The following BMPR1B variants were observed in gnomAD, a reference collection of about 807,000 sequenced individuals.
The protein encoded by BMPR1B is bone morphogenetic protein receptor type-1B.
A neutral mutation model predicts 59.1 loss-of-function variants in BMPR1B; 12 were observed. The ratio of observed to expected loss-of-function variants is 0.20; its 90% CI spans 0.13 to 0.33. BMPR1B has a LOEUF of 0.33. Ranked by LOEUF, BMPR1B falls within the 10% of genes least tolerant of loss-of-function variation. The pLI is 1.00. For missense variants in BMPR1B, 550 were observed against 610.9 expected, an observed-to-expected ratio of 0.90 and a Z score of 1.05; for synonymous variants, 237 against 207.3, an observed-to-expected ratio of 1.14 and a Z score of -1.23.
intron 6 of BMPR1B, among the ~76,000 whole-genome samples, chr4:95,117,792 A>G (rs1011403542): frequency 3.3e-5 from 5 of 152,174 alleles, no homozygotes; most frequent in Non-Finnish European, 5.9e-5. Flanking sequence ...TTTCTAAAAA[A>G]ATCTTTTTAA....
intron 10 of BMPR1B, among the ~76,000 whole-genome samples, chr4:95,134,115 A>G (rs573076502): frequency 6.6e-6 from 1 of 152,296 alleles, no homozygotes; most frequent in South Asian, 2.1e-4. Flanking sequence ...GAGTGAGAAC[A>G]TGCGATGTTT....
intron 1 of BMPR1B, among the ~76,000 whole-genome samples, chr4:94,776,238 A>C (rs1722365847): frequency 6.6e-6 from 1 of 152,144 alleles, no homozygotes; most frequent in Admixed American, 6.5e-5. Context: ...AAATCACTCT[A>C]ATAATGTTTA....
Position 95,020,210 on chromosome 4 carries a change from G to T in BMPR1B, c.-18+24076G>T, listed in dbSNP as rs1723872271. ...TTTTTTATTTTTACTGCTAGGTAGGGATGCCACCAGGATCTAATGAGTAGA... is the reference window on the plus strand; with the variant it reads ...TTTTTTATTTTTACTGCTAGGTAGGTATGCCACCAGGATCTAATGAGTAGA... On this transcript the variant is annotated intron_variant, in intron 3 of 12. Transcript: ENST00000515059. 2.0e-5 allele frequency among the ~76,000 whole-genome samples: 3 copies of T among 152,080 alleles called. No homozygotes were observed. The South Asian group carries it at 6.2e-4, about 32-fold the overall frequency.
At chr4:94,785,031 A>C (rs1426880546) in intron 1 of BMPR1B, among the ~76,000 whole-genome samples, 3 of 152,212 alleles carry the variant, frequency 2.0e-5, no homozygotes, top group Non-Finnish European at 4.4e-5. Context: ...GCTATGGAGC[A>C]AACACTGACC....
chr4:95,028,510 GAA>G (rs1218766637), intron 3 of BMPR1B, among the ~76,000 whole-genome samples: 8 of 152,100 alleles, frequency 5.3e-5, no homozygotes, highest in African/African-American at 9.7e-5. Flanking sequence ...CCCATGGCTG[GAA>G]TTGTGTTTAC....
chr4:94,819,718 A>G lies in BMPR1B; in HGVS notation c.-182-56113A>G, dbSNP rs547222075. On this transcript the variant is annotated intron_variant, in intron 1 of 12. Transcript: ENST00000515059. ...AATCTGAACACTCTTGAGATTTTCAAGTACATGCTGACAGGGATTTTGTGA... is the reference window on the plus strand; with the variant it reads ...AATCTGAACACTCTTGAGATTTTCAGGTACATGCTGACAGGGATTTTGTGA... 3.3e-5 allele frequency among the ~76,000 whole-genome samples: 5 copies of G among 152,350 alleles called. No individual in the cohort carries two copies. The East Asian group carries it at 9.6e-4, about 29-fold the overall frequency.
chr4:94,796,325 A>G (rs1029401796), intron 1 of BMPR1B, among the ~76,000 whole-genome samples: 1 of 152,198 alleles, frequency 6.6e-6, no homozygotes, highest in African/African-American at 2.4e-5. Flanking sequence ...TGTACTTAGT[A>G]GTGTTTAGGT....
chr4:94,850,858 C>T (rs6828950), intron 1 of BMPR1B, among the ~76,000 whole-genome samples: 92,187 of 151,696 alleles, frequency 0.61, 28,861 homozygotes, highest in African/African-American at 0.76. Context: ...TTTTTGTTTC[C>T]TCTTGGAATA....
intron 3 of BMPR1B, among the ~76,000 whole-genome samples, chr4:95,064,659 A>G (rs552411280): frequency 2.0e-5 from 3 of 152,280 alleles, no homozygotes; most frequent in African/African-American, 7.2e-5. Context: ...AATCTAGCCT[A>G]TGTAAAGAAC....
chr4:94,892,693 T>G (rs527251643), intron 2 of BMPR1B, among the ~76,000 whole-genome samples: 1 of 152,090 alleles, frequency 6.6e-6, no homozygotes, highest in African/African-American at 2.4e-5. Context: ...AGCATTTGTT[T>G]AGTGAGAGAT....
chr4:95,038,461 A>C (rs893845768), intron 3 of BMPR1B, among the ~76,000 whole-genome samples: 20 of 152,160 alleles, frequency 1.3e-4, no homozygotes, highest in African/African-American at 4.8e-4. Flanking sequence ...TTCTATTTGT[A>C]CTCCCAGAAA....
intron 1 of BMPR1B, among the ~76,000 whole-genome samples, chr4:94,867,375 T>G (rs184666556): frequency 6.6e-4 from 100 of 152,334 alleles, no homozygotes; most frequent in African/African-American, 2.3e-3. Flanking sequence ...TTTCAGTTTA[T>G]TACCGATAAG....
chr4:95,026,892 C>A (rs1191177534), intron 3 of BMPR1B, among the ~76,000 whole-genome samples: 1 of 151,732 alleles, frequency 6.6e-6, no homozygotes, highest in African/African-American at 2.4e-5. Flanking sequence ...TCCCAAGTAG[C>A]TGGGACTAAA....
intron 1 of BMPR1B, among the ~76,000 whole-genome samples, chr4:94,872,375 C>T (rs138928520): frequency 0.016 from 2,500 of 152,142 alleles, 45 homozygotes; most frequent in East Asian, 0.08. Flanking sequence ...AACCCAGAAG[C>T]AATAGAGTAT....
chr4:94,867,702 G>A (rs1726302083), intron 1 of BMPR1B, among the ~76,000 whole-genome samples: 1 of 152,124 alleles, frequency 6.6e-6, no homozygotes, highest in East Asian at 1.9e-4. Context: ...ACAATTTCTG[G>A]AGCAAATTGA....
intron 3 of BMPR1B, among the ~76,000 whole-genome samples, chr4:95,026,571 A>T (rs1724429700): frequency 6.6e-6 from 1 of 152,136 alleles, no homozygotes; most frequent in Non-Finnish European, 1.5e-5. Context: ...TTTTAGATAA[A>T]AATGGTAATT....
At chr4:94,858,172 G>C (rs913872505) in intron 1 of BMPR1B, among the ~76,000 whole-genome samples, 2 of 151,760 alleles carry the variant, frequency 1.3e-5, no homozygotes, top group South Asian at 2.1e-4. Context: ...GGATGGTCTC[G>C]ATCTCCTGAC....
chr4:94,903,721 G>A (rs769220115), intron 2 of BMPR1B, among the ~76,000 whole-genome samples: 5 of 151,848 alleles, frequency 3.3e-5, no homozygotes, highest in African/African-American at 7.3e-5. Flanking sequence ...AAGTCATTGG[G>A]GGTAGGCCTT....
At chr4:94,803,567 CTCT>C (rs202039005) in intron 1 of BMPR1B, among the ~76,000 whole-genome samples, 2 of 152,150 alleles carry the variant, frequency 1.3e-5, no homozygotes, top group African/African-American at 2.4e-5. Flanking sequence ...GGGCAGAATG[CTCT>C]TCTTCTTTCT....
Sources: allele counts gnomAD v4.1 joint callset (sites outside exome capture counted in the v4.1 genomes callset), GRCh38; gene constraint gnomAD v4.1.1; transcripts MANE v1.5; gene names NCBI Gene and HGNC (gene_info 2026-07-23, HGNC 2026-07-21).